WIPF2: variants seen among roughly 807,000 people sequenced by gnomAD.
The protein encoded by WIPF2 is WAS/WASL interacting protein family member 2.
In WIPF2, 23 loss-of-function variants were observed where a neutral mutation model predicts 38.8. The ratio of observed to expected loss-of-function variants is 0.59; its 90% CI spans 0.43 to 0.84. WIPF2 has a LOEUF of 0.84. WIPF2 is among the 40% of genes least tolerant of loss of function. WIPF2 has a pLI of 0.00. For synonymous variants in WIPF2, 210 were observed against 223.2 expected, an observed-to-expected ratio of 0.94 and a Z score of 0.53; for missense variants, 574 against 580.5, an observed-to-expected ratio of 0.99 and a Z score of 0.11.
Position 40,262,528 on chromosome 17 carries a change from C to T in WIPF2, c.200C>T (p.Pro67Leu), listed in dbSNP as rs139822756. 2.7e-4 allele frequency: 442 copies of T among 1,613,478 alleles called. No individual in the cohort carries two copies. Among genetic ancestry groups the T allele is most frequent in the Non-Finnish European group, 3.4e-4 (401 of 1,179,606 alleles). ...NDRSAPILEK[P>L]KGSSGGYGSG... is the part of the protein sequence containing the mutation. ...ACCCTACTGGTATGCTTTCCAGAGCCGAAAGGAAGCAGTGGTGGCTATGGC... is the reference window on the plus strand; with the variant it reads ...ACCCTACTGGTATGCTTTCCAGAGCTGAAAGGAAGCAGTGGTGGCTATGGC... Residue 67 changes from proline (P) to leucine (L), a missense_variant, in exon 4 of 8, where the codon CCG (proline) becomes CTG (leucine). Coordinates refer to ENST00000323571, the MANE Select transcript of WIPF2 (RefSeq NM_133264.5).
rs1855870338 is a variant in WIPF2 at position 40,280,958 on chromosome 17, C to T, written c.*2733C>T. Reference sequence around the variant, plus strand: ...CCCACTGTTAATAATAGATTTATTACTATGTATATTTACTATTGAAGATGG... The same window carrying T: ...CCCACTGTTAATAATAGATTTATTATTATGTATATTTACTATTGAAGATGG... On this transcript the variant is annotated 3_prime_UTR_variant, in exon 8 of 8. Transcript: ENST00000323571. The T allele has an allele frequency of 6.6e-5, 10 of 152,558 alleles. No homozygotes were observed. The allele number at this position is 152,558 out of a possible 1,614,324, so 9.5% of individuals were successfully genotyped here.
intron 1 of WIPF2, chr17:40,220,573 G>GTGTATATA (rs1431477384): frequency 1.3e-4 from 10 of 77,110 alleles, no homozygotes; most frequent in Non-Finnish European, 2.0e-4. Flanking sequence ...GTGTGTGTGT[G>GTGTATATA]TATATATATA....
intron 5 of WIPF2, among the ~76,000 whole-genome samples, chr17:40,268,985 C>G (rs1294641507): frequency 1.3e-5 from 2 of 151,948 alleles, no homozygotes; most frequent in Non-Finnish European, 1.5e-5. Flanking sequence ...GAGTTCAAGA[C>G]CAGCCTGGGC....
At chr17:40,263,594 G>A (rs1184328886) in intron 4 of WIPF2, among the ~76,000 whole-genome samples, 3 of 138,096 alleles carry the variant, frequency 2.2e-5, no homozygotes, top group African/African-American at 8.4e-5. Context: ...CCAGGCTGGA[G>A]TGCAGTGGTG....
intron 1 of WIPF2, among the ~76,000 whole-genome samples, chr17:40,222,885 G>T (rs2145266101): frequency 6.7e-6 from 1 of 148,824 alleles, no homozygotes; most frequent in Non-Finnish European, 1.5e-5. Context: ...TGGTCAGGCT[G>T]GTCTCGAACT....
chr17:40,250,721 A>G (rs968479269), intron 1 of WIPF2, among the ~76,000 whole-genome samples: 1 of 152,014 alleles, frequency 6.6e-6, no homozygotes, highest in African/African-American at 2.4e-5. Flanking sequence ...AAAATTCTGT[A>G]GAGAACCTTC....
chr17:40,252,763 T>G (rs2031598407), intron 1 of WIPF2, among the ~76,000 whole-genome samples: 1 of 151,794 alleles, frequency 6.6e-6, no homozygotes, highest in East Asian at 1.9e-4. Flanking sequence ...TTCCCTGGTT[T>G]GTTTGGTTTT....
At chr17:40,251,021 C>T (rs11868034) in intron 1 of WIPF2, among the ~76,000 whole-genome samples, 1 of 142,250 alleles carries the variant, frequency 7.0e-6, no homozygotes, top group Admixed American at 7.6e-5. Context: ...TCATGCTATT[C>T]TCCTGCCTCA....
chr17:40,262,075 CTCT>C lies in WIPF2; in HGVS notation c.197-448_197-446del, dbSNP rs1269377339. The stretch of plus-strand genomic sequence containing the variant: ...GCTTTCCTTTCTTTTCTTTTCTTTT[CTCT>C]TTTTTTTTTTTTTTTTGAAACAGGG... On this transcript the variant is annotated intron_variant, in intron 3 of 7. Transcript: ENST00000323571. Among the ~76,000 whole-genome samples, 677 of 107,590 alleles carry C rather than the reference CTCT, an allele frequency of 6.3e-3. 8 individuals carry two copies. Among genetic ancestry groups the C allele is most frequent in the African/African-American group, 0.027 (639 of 23,960 alleles). 70.6% of individuals were successfully genotyped at this position (107,590 alleles called of 152,430 possible). A position where few individuals can be genotyped will look rare whatever the true frequency, so the allele number is the denominator to read the frequency against.
At chr17:40,245,355 T>C (rs1270152066) in intron 1 of WIPF2, among the ~76,000 whole-genome samples, 1 of 151,968 alleles carries the variant, frequency 6.6e-6, no homozygotes, top group Non-Finnish European at 1.5e-5. Context: ...TCTTTTTTTT[T>C]TTTTTGAGAT....
intron 1 of WIPF2, among the ~76,000 whole-genome samples, chr17:40,252,622 T>C (rs1043450132): frequency 1.3e-5 from 2 of 151,164 alleles, no homozygotes; most frequent in African/African-American, 2.4e-5. Flanking sequence ...CGAGATGATG[T>C]TACTGTACTC....
At position 40,277,285 on chromosome 17, in the gene WIPF2, A is replaced by T. The variant is rs546945605; in HGVS notation, c.1282+101A>T. 54 of 1,000,118 alleles carry T rather than the reference A, an allele frequency of 5.4e-5. No individual in the cohort carries two copies. The Admixed American group carries it at 6.9e-4, about 13-fold the overall frequency. 62.0% of individuals were successfully genotyped at this position (1,000,118 alleles called of 1,614,324 possible). On this transcript the variant is annotated intron_variant, in intron 7 of 7. Transcript: ENST00000323571. ...TGCTTCTCGCTGGGCACAGTGGCTC[A>T]TACCTATAATCCCAGCACTTTGGGA...
chr17:40,278,098 CCTGT>C, intron 7 of WIPF2, 83 bp from the exon 8 acceptor site: 1 of 1,442,626 alleles, frequency 6.9e-7, no homozygotes, highest in African/African-American at 1.4e-5. Flanking sequence ...GCTTAAAGAG[CCTGT>C]CTCTCATTTT....
intron 1 of WIPF2, among the ~76,000 whole-genome samples, chr17:40,228,200 A>G (rs923806811): frequency 6.7e-6 from 1 of 150,156 alleles, no homozygotes; most frequent in Non-Finnish European, 1.5e-5. Flanking sequence ...TATTTTTAGT[A>G]GAGACGGGGT....
At chr17:40,220,631 A>ATTTT (rs1202946562) in intron 1 of WIPF2, 3 of 123,990 alleles carry the variant, frequency 2.4e-5, no homozygotes, top group African/African-American at 9.7e-5. Flanking sequence ...ATATATATAT[A>ATTTT]TTTTTTTGTT....
intron 1 of WIPF2, chr17:40,220,521 C>T (rs2030131793): frequency 7.0e-6 from 1 of 142,790 alleles, no homozygotes; most frequent in African/African-American, 2.6e-5. Context: ...TAAGCCCCGC[C>T]AATAGCTGGG....
At position 40,264,816 on chromosome 17, in the gene WIPF2, G is replaced by A; in HGVS notation, c.640G>A (p.Gly214Arg). The change falls in exon 5 of 8, where the codon GGA becomes AGA. Residue 214 changes from glycine to arginine, a missense_variant. Gly to Arg is a moderately radical substitution (Grantham distance 125). Coordinates refer to ENST00000323571, the MANE Select transcript of WIPF2 (RefSeq NM_133264.5). ...NREKPLPPTPGQRLHPGREGP... is the reference protein window; with the variant it reads ...NREKPLPPTPRQRLHPGREGP... Reference sequence around the variant, plus strand: ...AGAGAAACCCTTGCCACCGACGCCTGGACAAAGGCTTCACCCTGGTCGAGA... The same window carrying A: ...AGAGAAACCCTTGCCACCGACGCCTAGACAAAGGCTTCACCCTGGTCGAGA... The A allele has an allele frequency of 6.2e-7, 1 of 1,613,062 alleles. No homozygotes were observed. The highest frequency in any genetic ancestry group is 8.5e-7 in the Non-Finnish European group (1 of 1,179,882).
intron 6 of WIPF2, among the ~76,000 whole-genome samples, chr17:40,274,455 G>A (rs943810549): frequency 2.7e-5 from 4 of 146,684 alleles, no homozygotes; most frequent in Admixed American, 7.0e-5. Flanking sequence ...TGCCCAGGCC[G>A]CTGTCAAACT....
intron 1 of WIPF2, among the ~76,000 whole-genome samples, chr17:40,223,250 TCTC>T (rs2030329548): frequency 6.6e-6 from 1 of 152,030 alleles, no homozygotes; most frequent in South Asian, 2.1e-4. Flanking sequence ...TTCAAGCAAT[TCTC>T]CTGGCTCAGC....
Sources: allele counts gnomAD v4.1 joint callset (sites outside exome capture counted in the v4.1 genomes callset), GRCh38; gene constraint gnomAD v4.1.1; transcripts MANE v1.5; gene names NCBI Gene and HGNC (gene_info 2026-07-23, HGNC 2026-07-21).